The following INTS9 variants were observed in gnomAD, a reference collection of about 807,000 sequenced individuals.
INTS9 encodes integrator complex subunit 9.
In INTS9, 55 loss-of-function variants were observed where a neutral mutation model predicts 79.7. That is an observed-to-expected ratio of 0.69 (90% CI 0.56 to 0.86). The LOEUF is 0.86. Among genes scored for constraint, INTS9 ranks in the 40% least tolerant of loss-of-function variants. The probability of loss-of-function intolerance (pLI) is 0.00; values close to 1 mark genes in which losing one functional copy is unlikely to be tolerated. For missense variants in INTS9, 721 were observed against 831.5 expected, an observed-to-expected ratio of 0.87 and a Z score of 1.64; for synonymous variants, 319 against 325.2, an observed-to-expected ratio of 0.98 and a Z score of 0.20.
intron 1 of INTS9, among the ~76,000 whole-genome samples, chr8:28,872,772 C>A (rs1265858381): frequency 1.3e-5 from 2 of 152,202 alleles, no homozygotes; most frequent in Non-Finnish European, 2.9e-5. Context: ...CTATTTAACT[C>A]AGCACATCAT....
chr8:28,806,796 A>T (rs1804841543), intron 8 of INTS9, among the ~76,000 whole-genome samples: 1 of 152,236 alleles, frequency 6.6e-6, no homozygotes, highest in South Asian at 2.1e-4. Context: ...AATCATGAAC[A>T]TTATAGAGAA....
Position 28,840,970 on chromosome 8 carries a change from AG to A in INTS9, c.262-3195del, listed in dbSNP as rs200030308. Reference sequence around the variant, plus strand: ...AAAAATAAATAAAGTAAAAAAAAAAAGAAAGAAAGATGATGTGACATAAGCA... The same window carrying A: ...AAAAATAAATAAAGTAAAAAAAAAAAAAAGAAAGATGATGTGACATAAGCA... On this transcript the variant is annotated intron_variant, in intron 4 of 16. Transcript: ENST00000521022. 6.6e-3 allele frequency among the ~76,000 whole-genome samples: 971 copies of A among 147,220 alleles called. 10 individuals carry two copies. Among genetic ancestry groups the A allele is most frequent in the African/African-American group, 0.013 (524 of 40,000 alleles).
chr8:28,868,625 C>A (rs1371081746), intron 1 of INTS9, among the ~76,000 whole-genome samples: 1 of 152,128 alleles, frequency 6.6e-6, no homozygotes, highest in Non-Finnish European at 1.5e-5. Context: ...CTGAATGAAT[C>A]CCTAAATTCT....
At chr8:28,852,940 G>A (rs1807927288) in intron 2 of INTS9, among the ~76,000 whole-genome samples, 1 of 152,206 alleles carries the variant, frequency 6.6e-6, no homozygotes, top group African/African-American at 2.4e-5. Context: ...ACATGGCAAA[G>A]ACATGCTGAC....
At chr8:28,880,229 T>C (rs1272235676) in intron 1 of INTS9, among the ~76,000 whole-genome samples, 2 of 39,422 alleles carry the variant, frequency 5.1e-5, no homozygotes, top group African/African-American at 6.4e-4. Context: ...GACATAGCTC[T>C]CCCTCTCCCT....
chr8:28,798,504 CTTTTTTCTT>C (rs1804340824), intron 8 of INTS9: 1 of 152,092 alleles, frequency 6.6e-6, no homozygotes, highest in African/African-American at 2.4e-5. Context: ...GTAAACTTTT[CTTTTTTCTT>C]TTTTTTCTTT....
chr8:28,861,964 G>C (rs1203853742), intron 1 of INTS9: 1 of 444,408 alleles, frequency 2.3e-6, no homozygotes, highest in Non-Finnish European at 3.0e-6. Flanking sequence ...GCTTTTCTGG[G>C]AAGAGCTGAA....
Position 28,803,123 on chromosome 8 carries a change from A to C in INTS9, c.745-6468T>G, listed in dbSNP as rs1465974667. ...GTGAGACTGTCTCAAAAATAAATAA[A>C]TAAAGTAAGTAAATAATAAAACCAA... On this transcript the variant is annotated intron_variant, in intron 8 of 16. Transcript: ENST00000521022. Among the ~76,000 whole-genome samples the C allele has an allele frequency of 8.5e-5, 13 of 152,246 alleles. No homozygotes were observed. The South Asian group carries it at 2.7e-3, about 32-fold the overall frequency.
intron 1 of INTS9, among the ~76,000 whole-genome samples, chr8:28,888,644 A>G (rs1160615284): frequency 6.6e-6 from 1 of 152,236 alleles, no homozygotes; most frequent in Non-Finnish European, 1.5e-5. Context: ...TTAATTCTGC[A>G]TTATTAAATG....
At chr8:28,843,551 G>A (rs986563142) in intron 4 of INTS9, among the ~76,000 whole-genome samples, 2 of 151,972 alleles carry the variant, frequency 1.3e-5, no homozygotes, top group Non-Finnish European at 2.9e-5. Flanking sequence ...ACTTTTTCTT[G>A]AATCACATCA....
chr8:28,771,714 A>G (rs2130846339), intron 14 of INTS9, among the ~76,000 whole-genome samples: 1 of 152,354 alleles, frequency 6.6e-6, no homozygotes, highest in South Asian at 2.1e-4. Context: ...CTTGCCGAGG[A>G]GCAGGGTGTG....
intron 1 of INTS9, among the ~76,000 whole-genome samples, chr8:28,883,961 A>G (rs1810033170): frequency 6.6e-6 from 1 of 152,114 alleles, no homozygotes; most frequent in Non-Finnish European, 1.5e-5. Flanking sequence ...ATATTGCTGA[A>G]CATCAGAGCA....
In INTS9 at chr8:28,861,811, G is replaced by A. The variant is rs576226288; in HGVS notation, c.10-2248C>T. On this transcript the variant is annotated intron_variant, in intron 1 of 16. Transcript: ENST00000521022. ...TTTGTTACTGTCCTTAAAGGCCAAA[G>A]GCCAAAGGCCAAAGTGAGGAATGCT... is the stretch of plus-strand genomic sequence containing the variant. Among the ~76,000 whole-genome samples, 32 of 152,384 alleles carry A rather than the reference G, an allele frequency of 2.1e-4. 1 individual carries two copies. The highest frequency in any genetic ancestry group is 1.3e-3 in the East Asian group (7 of 5,192).
intron 4 of INTS9, among the ~76,000 whole-genome samples, chr8:28,841,469 C>A (rs922742825): frequency 6.6e-6 from 1 of 152,086 alleles, no homozygotes; most frequent in African/African-American, 2.4e-5. Flanking sequence ...AAGAACCAGC[C>A]CACAGAGTCT....
intron 1 of INTS9, among the ~76,000 whole-genome samples, chr8:28,884,143 T>C (rs1715058652): frequency 1.4e-5 from 2 of 143,388 alleles, no homozygotes; most frequent in South Asian, 2.5e-4. Context: ...CAACTACTAC[T>C]ACCAAAAGTC....
intron 5 of INTS9, 53 bp downstream of exon 5, chr8:28,837,584 G>A: frequency 6.3e-7 from 1 of 1,584,018 alleles, no homozygotes; most frequent in East Asian, 2.3e-5. Context: ...CGTCATCACT[G>A]AGGGAGGAGC....
chr8:28,853,922 C>T (rs572173293), intron 2 of INTS9, among the ~76,000 whole-genome samples: 19 of 151,932 alleles, frequency 1.3e-4, no homozygotes, highest in Non-Finnish European at 1.9e-4. Context: ...TGTTTCACTG[C>T]GTTAACCAGG....
intron 6 of INTS9, among the ~76,000 whole-genome samples, chr8:28,817,012 T>C (rs1454592596): frequency 1.3e-5 from 2 of 149,494 alleles, no homozygotes; most frequent in African/African-American, 4.9e-5. Context: ...TTTGTTTTTT[T>C]CTTGTAAACT....
chr8:28,802,929 G>T (rs1373182797), intron 8 of INTS9, among the ~76,000 whole-genome samples: 1 of 145,924 alleles, frequency 6.9e-6, no homozygotes, highest in Non-Finnish European at 1.5e-5. Flanking sequence ...GGGCAACATG[G>T]TAAAACCCCG....
Sources: gnomAD v4.1 joint callset for allele counts (sites outside exome capture counted in the v4.1 genomes callset) on GRCh38, gnomAD v4.1.1 for gene constraint, MANE v1.5 for transcripts, NCBI Gene and HGNC (gene_info 2026-07-23, HGNC 2026-07-21) for gene names.